Variants in TNRC18 observed in about 807,000 individuals in gnomAD.
The protein encoded by TNRC18 is trinucleotide repeat-containing gene 18 protein.
Under a neutral mutation model 226.7 loss-of-function variants are expected in TNRC18, and 69 were observed. That is an observed-to-expected ratio of 0.30 (90% CI 0.25 to 0.37). The LOEUF (loss-of-function observed/expected upper bound fraction) is 0.37, where lower values mean the gene tolerates loss of function less well. Among genes scored for constraint, TNRC18 ranks in the 10% least tolerant of loss-of-function variants. The pLI, the probability that TNRC18 is intolerant of heterozygous loss-of-function variation, is 1.00. For missense variants in TNRC18, 4,754 were observed against 4,256.6 expected (o/e 1.12, Z -3.25); for synonymous variants, 2,449 against 1,927.6 (o/e 1.27, Z -7.09).
rs1304021397 is a variant in TNRC18, at chr7:5,324,476, T to C, written c.6301-121A>G. 5.1e-6 allele frequency: 7 copies of C among 1,380,150 alleles called. No individual in the cohort carries two copies. The highest frequency in any genetic ancestry group is 4.2e-5 in the Admixed American group (2 of 47,686). 85.5% of individuals were successfully genotyped at this position (1,380,150 alleles called of 1,614,324 possible). On this transcript the variant is annotated intron_variant, in intron 20 of 29. Coordinates refer to ENST00000430969, the MANE Select transcript of TNRC18 (RefSeq NM_001080495.3). This position sits in a 1 kb window ranked among gnomAD's most constrained non-coding sequence, Gnocchi z 4.8. Reference sequence around the variant, plus strand: ...CCGCAGGGGGAATCTGTCATGTGCATGGCAGGGATCCCAGTTAGGGGCACC... The same window carrying C: ...CCGCAGGGGGAATCTGTCATGTGCACGGCAGGGATCCCAGTTAGGGGCACC...
Position 5,394,623 on chromosome 7 carries a change from A to C in TNRC18, c.188-28T>G. Reference sequence around the variant, plus strand: ...GCAGAGAGAAGTTGGGAGGACCGTCAGGCAGACAACCAGGGAGGCGCCGCC... The same window carrying C: ...GCAGAGAGAAGTTGGGAGGACCGTCCGGCAGACAACCAGGGAGGCGCCGCC... On this transcript the variant is annotated intron_variant, in intron 2 of 29. Coordinates refer to ENST00000430969, the MANE Select transcript of TNRC18 (RefSeq NM_001080495.3). The surrounding 1 kb of genome is among the most constrained non-coding windows in gnomAD (Gnocchi z 4.5). 1 of 1,528,404 alleles carries C rather than the reference A, an allele frequency of 6.5e-7. No individual in the cohort carries two copies. Among genetic ancestry groups the C allele is most frequent in the Non-Finnish European group, 8.8e-7 (1 of 1,138,004 alleles). The allele number at this position is 1,528,404 out of a possible 1,614,324, so 94.7% of individuals were successfully genotyped here.
chr7:5,376,205 G>A lies in TNRC18; in HGVS notation c.2628C>T (p.Ala876=), dbSNP rs368035151. ...GGGCGGGCCAGAGGGGCGGTACGGT[G>A]GCCCGCTCCATCAGCTCCGCTGCAG... ...LPHFAELMER[A]TVPPLWPALY... Residue 876 remains alanine, a synonymous_variant, in exon 9 of 30, where the codon GCC becomes GCT. Transcript: ENST00000430969. The A allele has an allele frequency of 1.8e-5, 27 of 1,512,166 alleles. No individual in the cohort carries two copies. The African/African-American group carries it at 3.3e-4, about 19-fold the overall frequency. 93.7% of individuals were successfully genotyped at this position (1,512,166 alleles called of 1,614,324 possible). A position where few individuals can be genotyped will look rare whatever the true frequency, so the allele number is the denominator to read the frequency against.
chr7:5,387,920 G>T lies in TNRC18; in HGVS notation c.1904C>A (p.Ala635Asp). 1 of 1,594,444 alleles carries T rather than the reference G, an allele frequency of 6.3e-7. No individual in the cohort carries two copies. The highest frequency in any genetic ancestry group is 1.7e-5 in the Admixed American group (1 of 57,198). Residue 635 changes from alanine to aspartate, a missense_variant, in exon 5 of 30, where the codon GCC becomes GAC. Transcript: ENST00000430969. ...AGGGCCTCCGGAGTGTGGGAGACGG[G>T]CCTGGGCTCGGGAGGCACCCGCAGA... ...PTSAGASRAQ[A>D]RLPHSGGPAA... is the part of the protein sequence containing the mutation.
chr7:5,414,361 G>A (rs965740315), intron 2 of TNRC18, among the ~76,000 whole-genome samples: 7 of 150,874 alleles, frequency 4.6e-5, no homozygotes, highest in Non-Finnish European at 7.4e-5. Context: ...GAACCATTCC[G>A]AGGACAAGTT....
At chr7:5,382,121 A>G (rs1384320257) in intron 5 of TNRC18, among the ~76,000 whole-genome samples, 3 of 152,224 alleles carry the variant, frequency 2.0e-5, no homozygotes, top group Non-Finnish European at 4.4e-5. Flanking sequence ...CCCAGCCCTC[A>G]TCCCTATCTT....
chr7:5,369,605 CAGAG>C (rs144713102), intron 11 of TNRC18, among the ~76,000 whole-genome samples: 15 of 151,718 alleles, frequency 9.9e-5, no homozygotes, highest in African/African-American at 3.4e-4. Context: ...GACGGGGACA[CAGAG>C]AGAGAGAGAC....
intron 19 of TNRC18, 26 bp downstream of exon 19, chr7:5,332,596 G>A: frequency 2.0e-6 from 3 of 1,508,874 alleles, no homozygotes; most frequent in Admixed American, 2.3e-5. Context: ...CCCTTCTGCG[G>A]CACCCCCTCC....
intron 5 of TNRC18, among the ~76,000 whole-genome samples, chr7:5,386,247 C>G (rs1699213984): frequency 6.6e-6 from 1 of 151,866 alleles, no homozygotes; most frequent in Non-Finnish European, 1.5e-5. Context: ...GAGACTGTGC[C>G]ACTGCACTCC....
chr7:5,356,839 A>C, intron 16 of TNRC18, 77 bp downstream of exon 16: 3 of 1,304,790 alleles, frequency 2.3e-6, no homozygotes, highest in Admixed American at 2.9e-5. Context: ...GCGGGGGGGG[A>C]AGGAGGACGG....
intron 18 of TNRC18, among the ~76,000 whole-genome samples, chr7:5,339,461 A>G (rs1790453171): frequency 6.6e-6 from 1 of 151,214 alleles, no homozygotes. Context: ...GCTGGTCTCA[A>G]ACTCCTGACC....
chr7:5,408,381 C>G (rs1363987276), intron 2 of TNRC18, among the ~76,000 whole-genome samples: 2 of 151,888 alleles, frequency 1.3e-5, no homozygotes, highest in Non-Finnish European at 2.9e-5. Context: ...AGGCGCATAG[C>G]TCACGCCTGT....
chr7:5,377,318 C>CCCCCA lies in TNRC18; in HGVS notation c.2461+52_2461+53insTGGGG. Reference sequence around the variant, plus strand: ...CCCTGAGCTCTTGTCCTGCACCCGCCCCCTCCCACCCCTCCCTCAGAGAAG... The same window carrying CCCCCA: ...CCCTGAGCTCTTGTCCTGCACCCGCCCCCCACCCTCCCACCCCTCCCTCAGAGAAG... On this transcript the variant is annotated intron_variant, in intron 7 of 29. Transcript: ENST00000430969. This position sits in a 1 kb window ranked among gnomAD's most constrained non-coding sequence, Gnocchi z 5.8. 3 of 994,126 alleles carry CCCCCA rather than the reference C, an allele frequency of 3.0e-6. No homozygotes were observed. Among genetic ancestry groups the CCCCCA allele is most frequent in the Non-Finnish European group, 4.5e-6 (3 of 673,904 alleles). 61.6% of individuals were successfully genotyped at this position (994,126 alleles called of 1,614,324 possible). A position where few individuals can be genotyped will look rare whatever the true frequency, so the allele number is the denominator to read the frequency against.
intron 27 of TNRC18, among the ~76,000 whole-genome samples, chr7:5,310,663 G>T (rs537749008): frequency 3.9e-5 from 6 of 152,244 alleles, no homozygotes; most frequent in Non-Finnish European, 7.3e-5. Flanking sequence ...GCCTCCCAAA[G>T]TGCTGGGATT....
At chr7:5,375,080 C>A (rs186995822) in intron 9 of TNRC18, among the ~76,000 whole-genome samples, 11 of 152,146 alleles carry the variant, frequency 7.2e-5, no homozygotes, top group Admixed American at 3.9e-4. Flanking sequence ...GAGGCCAAGG[C>A]GGGTGGATCA....
At chr7:5,344,487 G>A (rs1190178381) in intron 18 of TNRC18, among the ~76,000 whole-genome samples, 1 of 152,152 alleles carries the variant, frequency 6.6e-6, no homozygotes, top group Non-Finnish European at 1.5e-5. Context: ...GGAAGGCAGG[G>A]TCTGGAGCCT....
At chr7:5,400,706 G>A (rs909573470) in intron 2 of TNRC18, among the ~76,000 whole-genome samples, 4 of 152,124 alleles carry the variant, frequency 2.6e-5, no homozygotes, top group African/African-American at 7.2e-5. Context: ...ATTTCAAATG[G>A]TTAATTGTAT....
In TNRC18 at chr7:5,389,210, G is replaced by T; in HGVS notation, c.614C>A (p.Pro205Gln). The change falls in exon 5 of 30, where the codon CCA (proline) becomes CAA (glutamine). Residue 205 changes from proline to glutamine, a missense_variant. Coordinates refer to ENST00000430969, the MANE Select transcript of TNRC18 (RefSeq NM_001080495.3). Reference protein sequence around the residue: ...PAKGSSSRDGPAKERAGRGGE... With the variant: ...PAKGSSSRDGQAKERAGRGGE... ...GCCGCGGCCCGCCCGCTCCTTGGCTGGACCGTCCCGCGACGACGAGCCTTT... is the reference window on the plus strand; with the variant it reads ...GCCGCGGCCCGCCCGCTCCTTGGCTTGACCGTCCCGCGACGACGAGCCTTT... 1 of 1,345,908 alleles carries T rather than the reference G, an allele frequency of 7.4e-7. No individual in the cohort carries two copies. The highest frequency in any genetic ancestry group is 9.5e-7 in the Non-Finnish European group (1 of 1,051,646). 83.4% of individuals were successfully genotyped at this position (1,345,908 alleles called of 1,614,324 possible).
intron 22 of TNRC18, 64 bp downstream of exon 22, chr7:5,321,009 G>T: frequency 8.3e-7 from 1 of 1,200,130 alleles, no homozygotes; most frequent in Non-Finnish European, 1.2e-6. Flanking sequence ...AGGCACAGAG[G>T]CGGCCGGGAC....
In TNRC18 at chr7:5,307,859, T is replaced by C. The variant is rs1382843727; in HGVS notation, c.*247A>G. 8 of 553,768 alleles carry C rather than the reference T, an allele frequency of 1.4e-5. No individual in the cohort carries two copies. In the East Asian group the frequency reaches 2.4e-4, roughly 17 times the overall value. The allele number at this position is 553,768 out of a possible 1,614,324, so 34.3% of individuals were successfully genotyped here. A position where few individuals can be genotyped will look rare whatever the true frequency, so the allele number is the denominator to read the frequency against. On this transcript the variant is annotated 3_prime_UTR_variant, in exon 30 of 30. Transcript: ENST00000430969. Reference sequence around the variant, plus strand: ...GCCGGTCCGGCCATACCCTGATAGCTAAGAGGGGCCCCTGTCCTGGGGGCA... The same window carrying C: ...GCCGGTCCGGCCATACCCTGATAGCCAAGAGGGGCCCCTGTCCTGGGGGCA...
Sources: allele counts gnomAD v4.1 joint callset (sites outside exome capture counted in the v4.1 genomes callset), GRCh38; gene constraint gnomAD v4.1.1; non-coding constraint Gnocchi (gnomAD v3.1); transcripts MANE v1.5; gene names NCBI Gene and HGNC (gene_info 2026-07-23, HGNC 2026-07-21).